GBE1: variants seen among roughly 807,000 people sequenced by gnomAD.
GBE1 encodes the protein 1,4-alpha-glucan-branching enzyme.
A neutral mutation model predicts 88.8 loss-of-function variants in GBE1; 70 were observed. The observed-to-expected ratio is 0.79, with a 90% CI of 0.65 to 0.96. The LOEUF is 0.96. Among genes scored for constraint, GBE1 ranks in the 40% least tolerant of loss-of-function variants. The probability of loss-of-function intolerance (pLI) is 0.00; values close to 1 mark genes in which losing one functional copy is unlikely to be tolerated. For missense variants in GBE1, 872 were observed against 871.0 expected (o/e 1.00, Z -0.01); for synonymous variants, 284 against 300.1 (o/e 0.95, Z 0.56).
At chr3:81,729,569 G>C (rs1175169364) in intron 1 of GBE1, among the ~76,000 whole-genome samples, 2 of 152,152 alleles carry the variant, frequency 1.3e-5, no homozygotes, top group Admixed American at 6.5e-5. Flanking sequence ...AAGTAACTTA[G>C]AAATCAGTGA....
chr3:81,501,665 T>TCCC (rs1469337758), intron 14 of GBE1, among the ~76,000 whole-genome samples: 1 of 148,492 alleles, frequency 6.7e-6, no homozygotes, highest in African/African-American at 2.5e-5. Flanking sequence ...AAGTAAGAAT[T>TCCC]CCCTCATTTA....
chr3:81,545,614 A>ATGTGTGTG (rs3083686), intron 12 of GBE1, among the ~76,000 whole-genome samples: 125 of 149,754 alleles, frequency 8.3e-4, no homozygotes, highest in South Asian at 3.8e-3. Context: ...TATCAAGCAT[A>ATGTGTGTG]TGTGTGTGTG....
intron 2 of GBE1, among the ~76,000 whole-genome samples, chr3:81,701,530 G>A (rs1356320527): frequency 6.6e-6 from 1 of 150,950 alleles, no homozygotes; most frequent in Non-Finnish European, 1.5e-5. Context: ...TTTTAATACT[G>A]CCAATTAACA....
intron 7 of GBE1, among the ~76,000 whole-genome samples, chr3:81,622,401 G>T (rs1432442771): frequency 6.6e-6 from 1 of 152,144 alleles, no homozygotes; most frequent in Non-Finnish European, 1.5e-5. Flanking sequence ...TTAGCTTCCA[G>T]CTTCTGTTTT....
At chr3:81,539,984 G>A (rs951095786) in intron 12 of GBE1, among the ~76,000 whole-genome samples, 4 of 151,754 alleles carry the variant, frequency 2.6e-5, no homozygotes, top group African/African-American at 4.8e-5. Context: ...GAGAAAAAAC[G>A]CCATGGCCAG....
intron 14 of GBE1, among the ~76,000 whole-genome samples, chr3:81,511,106 G>A (rs13087181): frequency 0.13 from 19,657 of 151,954 alleles, 1,820 homozygotes; most frequent in East Asian, 0.37. Context: ...AAATGGTGCT[G>A]GGTAATTGAC....
intron 2 of GBE1, among the ~76,000 whole-genome samples, chr3:81,687,828 G>A (rs1418802833): frequency 6.6e-6 from 1 of 152,204 alleles, no homozygotes; most frequent in Non-Finnish European, 1.5e-5. Context: ...TCAAAGAAAA[G>A]TAGTCACGTC....
chr3:81,498,280 C>A (rs1406770427), intron 15 of GBE1, among the ~76,000 whole-genome samples: 1 of 152,102 alleles, frequency 6.6e-6, no homozygotes, highest in Non-Finnish European at 1.5e-5. Flanking sequence ...AGGGGTACCA[C>A]AGAGATCCTC....
At chr3:81,598,521 GAATT>G (rs1490648056) in intron 7 of GBE1, among the ~76,000 whole-genome samples, 2 of 151,692 alleles carry the variant, frequency 1.3e-5, no homozygotes, top group African/African-American at 4.8e-5. Context: ...AAAATTAAAA[GAATT>G]AATCAATTTT....
At chr3:81,593,491 T>C (rs1346344226) in intron 8 of GBE1, among the ~76,000 whole-genome samples, 1 of 151,544 alleles carries the variant, frequency 6.6e-6, no homozygotes, top group Non-Finnish European at 1.5e-5. Flanking sequence ...ATATTTTTAA[T>C]TTCAAATTAA....
chr3:81,679,207 C>G lies in GBE1; in HGVS notation c.314-8254G>C, dbSNP rs1020322535. Among the ~76,000 whole-genome samples the G allele has an allele frequency of 4.6e-5, 7 of 152,122 alleles. 2 individuals carry two copies. Among genetic ancestry groups the G allele is most frequent in the Admixed American group, 4.6e-4 (7 of 15,290 alleles). On this transcript the variant is annotated intron_variant, in intron 2 of 15. Transcript: ENST00000429644. Reference sequence around the variant, plus strand: ...AGGTCTCTGTGCACAAATAGGTGTCCAAATCTCTTTTCTTGCTATCAATTA... The same window carrying G: ...AGGTCTCTGTGCACAAATAGGTGTCGAAATCTCTTTTCTTGCTATCAATTA...
At chr3:81,521,994 T>C (rs951667937) in intron 14 of GBE1, among the ~76,000 whole-genome samples, 2 of 151,524 alleles carry the variant, frequency 1.3e-5, no homozygotes, top group Admixed American at 6.6e-5. Context: ...GGGCTCTGTA[T>C]GTCATACTTG....
chr3:81,561,628 G>A (rs1703418172), intron 12 of GBE1, among the ~76,000 whole-genome samples: 1 of 151,992 alleles, frequency 6.6e-6, no homozygotes, highest in Non-Finnish European at 1.5e-5. Flanking sequence ...GGTGGCAAAA[G>A]GTCATTTCTA....
chr3:81,575,824 A>G (rs1331687117), intron 12 of GBE1, among the ~76,000 whole-genome samples: 3 of 152,196 alleles, frequency 2.0e-5, no homozygotes, highest in African/African-American at 4.8e-5. Flanking sequence ...AGTTTTACTC[A>G]GAAAACATAC....
intron 7 of GBE1, among the ~76,000 whole-genome samples, chr3:81,641,073 C>T (rs1704671618): frequency 6.6e-6 from 1 of 151,904 alleles, no homozygotes; most frequent in South Asian, 2.1e-4. Context: ...AGGTACACTA[C>T]AATAAACATG....
chr3:81,639,831 C>T (rs533997575), intron 7 of GBE1, among the ~76,000 whole-genome samples: 33 of 152,188 alleles, frequency 2.2e-4, no homozygotes, highest in African/African-American at 6.3e-4. Flanking sequence ...CAGCACCAAC[C>T]GTAGGTCACA....
intron 14 of GBE1, among the ~76,000 whole-genome samples, chr3:81,499,542 T>C (rs1166581146): frequency 2.0e-5 from 3 of 152,126 alleles, no homozygotes; most frequent in Non-Finnish European, 4.4e-5. Context: ...CCATATTGAA[T>C]AGAAATTTTG....
At chr3:81,585,054 C>T (rs191492372) in intron 10 of GBE1, among the ~76,000 whole-genome samples, 11 of 152,028 alleles carry the variant, frequency 7.2e-5, no homozygotes, top group South Asian at 2.1e-4. Flanking sequence ...TACAAGGCTA[C>T]GTTCCCATGT....
At chr3:81,741,845 T>A (rs1462746718) in intron 1 of GBE1, among the ~76,000 whole-genome samples, 1 of 147,676 alleles carries the variant, frequency 6.8e-6, no homozygotes, top group East Asian at 1.9e-4. Context: ...AGATTATATA[T>A]AATATATAGT....
Sources: gnomAD v4.1 joint callset for allele counts (sites outside exome capture counted in the v4.1 genomes callset) on GRCh38, gnomAD v4.1.1 for gene constraint, MANE v1.5 for transcripts, NCBI Gene and HGNC (gene_info 2026-07-23, HGNC 2026-07-21) for gene names.